INPP4B: variants seen among roughly 807,000 people sequenced by gnomAD.
INPP4B encodes the protein inositol polyphosphate 4-phosphatase type II.
INPP4B carries 55 observed loss-of-function variants against 122.5 expected under a neutral mutation model. The ratio of observed to expected loss-of-function variants is 0.45; its 90% CI spans 0.36 to 0.56. The LOEUF is 0.56. Among genes scored for constraint, INPP4B ranks in the 20% least tolerant of loss-of-function variants. INPP4B has a pLI of 0.00. For synonymous variants in INPP4B, 403 were observed against 388.7 expected (o/e 1.04, Z -0.43); for missense variants, 1,000 against 1,097.7 (o/e 0.91, Z 1.26).
At chr4:142,472,624 C>T (rs1395392483) in intron 2 of INPP4B, among the ~76,000 whole-genome samples, 2 of 152,270 alleles carry the variant, frequency 1.3e-5, no homozygotes, top group African/African-American at 2.4e-5. Context: ...CATAGCTCCC[C>T]ATCTCAAAAG....
At chr4:142,256,555 C>A (rs1736202365) in intron 11 of INPP4B, among the ~76,000 whole-genome samples, 1 of 152,076 alleles carries the variant, frequency 6.6e-6, no homozygotes, top group South Asian at 2.1e-4. Context: ...TACAAACTAC[C>A]ATCAGAGAAT....
At chr4:142,248,336 C>CTCTCTTT (rs756252445) in intron 11 of INPP4B, among the ~76,000 whole-genome samples, 2 of 106,386 alleles carry the variant, frequency 1.9e-5, no homozygotes, top group Non-Finnish European at 3.5e-5. Context: ...CTCTCTCTCT[C>CTCTCTTT]TTTTTTTTTT....
At chr4:142,433,682 A>G (rs912503285) in intron 3 of INPP4B, among the ~76,000 whole-genome samples, 1 of 152,208 alleles carries the variant, frequency 6.6e-6, no homozygotes, top group Non-Finnish European at 1.5e-5. Flanking sequence ...GAAGGGGCAA[A>G]TGTGATGTGT....
chr4:142,073,793 T>C (rs183567197), intron 25 of INPP4B, among the ~76,000 whole-genome samples: 143 of 152,200 alleles, frequency 9.4e-4, no homozygotes, highest in Non-Finnish European at 3.2e-4. Context: ...CTCTAGGTTT[T>C]GGCATAACTG....
At chr4:142,089,952 C>T (rs28570218) in intron 23 of INPP4B, among the ~76,000 whole-genome samples, 39,168 of 152,020 alleles carry the variant, frequency 0.26, 5,126 homozygotes, top group East Asian at 0.3. Context: ...CTCTTAACTG[C>T]TGTACCAGTA....
intron 3 of INPP4B, among the ~76,000 whole-genome samples, chr4:142,436,098 G>T (rs144934621): frequency 6.6e-6 from 1 of 152,144 alleles, no homozygotes; most frequent in Non-Finnish European, 1.5e-5. Context: ...ACTGGGTCCC[G>T]AGAGGTATTC....
chr4:142,159,424 T>C (rs1252971260), intron 17 of INPP4B, among the ~76,000 whole-genome samples: 1 of 151,992 alleles, frequency 6.6e-6, no homozygotes, highest in African/African-American at 2.4e-5. Context: ...ATAGAAATTT[T>C]ACCAAAAGAA....
At chr4:142,467,802 T>C (rs1163149058) in intron 2 of INPP4B, among the ~76,000 whole-genome samples, 1 of 152,160 alleles carries the variant, frequency 6.6e-6, no homozygotes, top group South Asian at 2.1e-4. Flanking sequence ...AAGGTGGGCC[T>C]GATCAGAGGT....
chr4:142,245,137 T>C (rs1727281289), intron 11 of INPP4B, among the ~76,000 whole-genome samples: 1 of 152,182 alleles, frequency 6.6e-6, no homozygotes, highest in Non-Finnish European at 1.5e-5. Flanking sequence ...GTCAGATGAA[T>C]AGATTGCAAA....
chr4:142,293,257 C>A (rs1757214596), intron 9 of INPP4B, among the ~76,000 whole-genome samples: 1 of 152,022 alleles, frequency 6.6e-6, no homozygotes, highest in African/African-American at 2.4e-5. Flanking sequence ...CCAGGCTGGT[C>A]TCAAACTCCT....
At chr4:142,308,437 C>A (rs1764242310) in intron 8 of INPP4B, among the ~76,000 whole-genome samples, 1 of 152,040 alleles carries the variant, frequency 6.6e-6, no homozygotes, top group Non-Finnish European at 1.5e-5. Context: ...AATGTGAGGA[C>A]AATTGTTTTA....
chr4:142,505,633 T>C (rs777900550), intron 2 of INPP4B, among the ~76,000 whole-genome samples: 1 of 152,210 alleles, frequency 6.6e-6, no homozygotes, highest in Non-Finnish European at 1.5e-5. Context: ...ATTAATACTA[T>C]CATTCTTATT....
intron 2 of INPP4B, among the ~76,000 whole-genome samples, chr4:142,494,405 T>C (rs1822265864): frequency 6.6e-6 from 1 of 152,196 alleles, no homozygotes; most frequent in African/African-American, 2.4e-5. Context: ...TACAGGCTTT[T>C]AAATTTACCA....
chr4:142,593,104 TAAAA>T (rs70949176), intron 2 of INPP4B, among the ~76,000 whole-genome samples: 4,592 of 143,182 alleles, frequency 0.032, 92 homozygotes, highest in Middle Eastern at 0.05. Context: ...ATCCTGTTTT[TAAAA>T]AAAAAAAAAA....
chr4:142,640,916 T>G (rs1750249301), intron 2 of INPP4B, among the ~76,000 whole-genome samples: 1 of 152,144 alleles, frequency 6.6e-6, no homozygotes, highest in African/African-American at 2.4e-5. Flanking sequence ...TAAAAAGGCT[T>G]TGAATCACAA....
At chr4:142,190,715 A>AGTGTGT (rs1210849657) in intron 15 of INPP4B, among the ~76,000 whole-genome samples, 1 of 129,866 alleles carries the variant, frequency 7.7e-6, no homozygotes, top group Non-Finnish European at 1.6e-5. Context: ...AAGATCTGTA[A>AGTGTGT]GAGTGTGTGT....
chr4:142,612,836 G>T (rs1251958677), intron 2 of INPP4B, among the ~76,000 whole-genome samples: 1 of 152,094 alleles, frequency 6.6e-6, no homozygotes, highest in Non-Finnish European at 1.5e-5. Flanking sequence ...TGGAAAAGAA[G>T]CATTCAGTCT....
chr4:142,051,739 T>A (rs1754724038), intron 25 of INPP4B, among the ~76,000 whole-genome samples: 1 of 152,072 alleles, frequency 6.6e-6, no homozygotes, highest in Non-Finnish European at 1.5e-5. Flanking sequence ...CATACCACAA[T>A]CGTGATGGGT....
chr4:142,595,309 A>T (rs10019887), intron 2 of INPP4B, among the ~76,000 whole-genome samples: 1,688 of 152,148 alleles, frequency 0.011, 30 homozygotes, highest in African/African-American at 0.039. Context: ...TCTGGGCTCA[A>T]CAGCCACCTT....
Sources: gnomAD v4.1 joint callset for allele counts (sites outside exome capture counted in the v4.1 genomes callset) on GRCh38, gnomAD v4.1.1 for gene constraint, MANE v1.5 for transcripts, NCBI Gene and HGNC (gene_info 2026-07-23, HGNC 2026-07-21) for gene names.